The following CDK15 variants were observed in gnomAD, a reference collection of about 807,000 sequenced individuals.
CDK15 encodes the protein cyclin-dependent kinase 15.
Under a neutral mutation model 60.3 loss-of-function variants are expected in CDK15, and 62 were observed. That is an observed-to-expected ratio of 1.03 (90% CI 0.84 to 1.27). The LOEUF (loss-of-function observed/expected upper bound fraction) is 1.27. Ranked by LOEUF, CDK15 falls within the 50% of genes most tolerant of loss-of-function variation. The pLI is 0.00. For missense variants in CDK15, 541 were observed against 527.8 expected (o/e 1.03, Z -0.25); for synonymous variants, 194 against 195.7 (o/e 0.99, Z 0.07).
Position 201,833,921 on chromosome 2 carries a change from C to A in CDK15, c.680C>A (p.Pro227His). Residue 227 changes from proline (P) to histidine (H), a missense_variant, in exon 7 of 14, where the codon CCT (proline) becomes CAT (histidine). Coordinates refer to ENST00000652192, the MANE Select transcript of CDK15 (RefSeq NM_001366386.2). ...CACGTTCTTCACAGGGACCTGAAAC[C>A]TCAGAACTTACTCATCAGTCACCTG... ...HQHVLHRDLK[P>H]QNLLISHLGE... 1 of 1,614,034 alleles carries A rather than the reference C, an allele frequency of 6.2e-7. No homozygotes were observed. The highest frequency in any genetic ancestry group is 2.2e-5 in the East Asian group (1 of 44,878).
intron 10 of CDK15, among the ~76,000 whole-genome samples, chr2:201,864,493 T>G (rs1698530149): frequency 6.6e-6 from 1 of 152,194 alleles, no homozygotes; most frequent in Non-Finnish European, 1.5e-5. Flanking sequence ...AATTTTTGTA[T>G]TTTTAGTAGA....
chr2:201,850,014 G>A (rs1473871166), intron 9 of CDK15, among the ~76,000 whole-genome samples: 1 of 152,060 alleles, frequency 6.6e-6, no homozygotes, highest in East Asian at 1.9e-4. Context: ...TAGTAGAGAC[G>A]GGGTTTCACC....
rs141920338 is a variant in CDK15, at chr2:201,843,098, T to C, written c.852-4283T>C. Reference sequence around the variant, plus strand: ...AGTCTGTGGTGGGCAAAATAGATGATAGCCACATGACTTGTATTCCTAAGG... The same window carrying C: ...AGTCTGTGGTGGGCAAAATAGATGACAGCCACATGACTTGTATTCCTAAGG... On this transcript the variant is annotated intron_variant, in intron 8 of 13. Transcript: ENST00000652192. 2.5e-4 allele frequency among the ~76,000 whole-genome samples: 38 copies of C among 152,274 alleles called. No individual in the cohort carries two copies. In the East Asian group the frequency reaches 5.6e-3, roughly 22 times the overall value.
intron 12 of CDK15, among the ~76,000 whole-genome samples, chr2:201,884,290 A>C (rs1347099101): frequency 6.6e-6 from 1 of 152,122 alleles, no homozygotes; most frequent in East Asian, 1.9e-4. Context: ...TCTCCTTTAA[A>C]ACAGGTTTTA....
chr2:201,857,307 G>A (rs1431151645), intron 10 of CDK15, among the ~76,000 whole-genome samples: 1 of 148,770 alleles, frequency 6.7e-6, no homozygotes, highest in Non-Finnish European at 1.5e-5. Context: ...ATTTTCTGTT[G>A]TTTCAAAACA....
chr2:201,825,510 A>G (rs868809329), intron 6 of CDK15, among the ~76,000 whole-genome samples: 2 of 152,128 alleles, frequency 1.3e-5, no homozygotes, highest in African/African-American at 4.8e-5. Context: ...AGTGAAAAAA[A>G]AAAATTAAAA....
intron 4 of CDK15, among the ~76,000 whole-genome samples, chr2:201,819,693 A>G (rs1477976346): frequency 1.3e-5 from 2 of 152,206 alleles, no homozygotes; most frequent in Non-Finnish European, 2.9e-5. Flanking sequence ...GGTTCTGGAC[A>G]ATTTGGAAGG....
At chr2:201,822,602 CAAT>C (rs1389281631) in intron 4 of CDK15, among the ~76,000 whole-genome samples, 1 of 152,160 alleles carries the variant, frequency 6.6e-6, no homozygotes, top group African/African-American at 2.4e-5. Context: ...CCTGTAGAAA[CAAT>C]AAGTTGCAAT....
Position 201,807,923 on chromosome 2 carries a change from T to G in CDK15, c.339T>G (p.Ser113=). The G allele has an allele frequency of 1.9e-6, 3 of 1,614,148 alleles. No homozygotes were observed. Among genetic ancestry groups the G allele is most frequent in the Non-Finnish European group, 2.5e-6 (3 of 1,180,006 alleles). ...YLNLEKLGEG[S]YATVYKGISR... ...ACTTGGAGAAGCTGGGTGAAGGCTCTTATGCGACAGTTTACAAGGGGATTA... is the reference window on the plus strand; with the variant it reads ...ACTTGGAGAAGCTGGGTGAAGGCTCGTATGCGACAGTTTACAAGGGGATTA... The change falls in exon 3 of 14, where the codon TCT becomes TCG. Residue 113 remains serine, a synonymous_variant. Transcript: ENST00000652192.
intron 4 of CDK15, among the ~76,000 whole-genome samples, chr2:201,822,242 A>G (rs1311603478): frequency 1.3e-5 from 2 of 152,048 alleles, no homozygotes; most frequent in Non-Finnish European, 2.9e-5. Flanking sequence ...TCTCCTTTCC[A>G]CAGAGGTTTG....
At chr2:201,807,130 G>C (rs975860126) in intron 1 of CDK15, among the ~76,000 whole-genome samples, 1 of 151,744 alleles carries the variant, frequency 6.6e-6, no homozygotes, top group Non-Finnish European at 1.5e-5. Context: ...TGAAACTTTA[G>C]TAATTAGTTC....
At chr2:201,836,112 A>ATATATTTTATATATT (rs1697053371) in intron 8 of CDK15, among the ~76,000 whole-genome samples, 9 of 105,616 alleles carry the variant, frequency 8.5e-5, no homozygotes, top group African/African-American at 3.1e-4. Context: ...TTATATATTT[A>ATATATTTTATATATT]TATATATTAT....
At position 201,854,938 on chromosome 2, in the gene CDK15, G is replaced by A. The variant is rs754401995; in HGVS notation, c.1009+1G>A. On this transcript the variant is annotated splice_donor_variant, in intron 10 of 13. Coordinates refer to ENST00000652192, the MANE Select transcript of CDK15 (RefSeq NM_001366386.2). LOFTEE classifies it high-confidence loss of function. ...TCCAAGCTACCTAACTACAATCCAG[G>A]TAATATTGATCTGAGCTTCTGAATA... 8 of 1,613,770 alleles carry A rather than the reference G, an allele frequency of 5.0e-6. No individual in the cohort carries two copies. Among genetic ancestry groups the A allele is most frequent in the Non-Finnish European group, 5.9e-6 (7 of 1,179,688 alleles).
chr2:201,861,311 G>A (rs911013340), intron 10 of CDK15: 5 of 989,636 alleles, frequency 5.1e-6, no homozygotes, highest in South Asian at 4.6e-5. Flanking sequence ...GGAGTAGCCC[G>A]ATTCTACAGA....
intron 10 of CDK15, among the ~76,000 whole-genome samples, chr2:201,859,278 G>C (rs1698282613): frequency 6.6e-6 from 1 of 152,206 alleles, no homozygotes; most frequent in African/African-American, 2.4e-5. Flanking sequence ...AGAGCAAATT[G>C]AATGTTGGTC....
intron 12 of CDK15, among the ~76,000 whole-genome samples, chr2:201,883,156 G>T (rs1699341005): frequency 6.6e-6 from 1 of 152,146 alleles, no homozygotes; most frequent in South Asian, 2.1e-4. Flanking sequence ...TTATTTAGGG[G>T]CTTATATTTA....
At chr2:201,810,785 A>C (rs565095859) in intron 3 of CDK15, among the ~76,000 whole-genome samples, 1 of 151,818 alleles carries the variant, frequency 6.6e-6, no homozygotes, top group East Asian at 1.9e-4. Context: ...TATCTCAGAC[A>C]GGTGACTAAG....
At chr2:201,812,884 GAAAATATATAATCACACA>G (rs1695834327) in intron 4 of CDK15, among the ~76,000 whole-genome samples, 2 of 152,160 alleles carry the variant, frequency 1.3e-5, no homozygotes, top group African/African-American at 4.8e-5. Context: ...CTATAAAAGA[GAAAATATATAATCACACA>G]AATTCTTACT....
chr2:201,894,113 A>ACACACACACACACC lies in CDK15; in HGVS notation c.*847_*848insACACACACACACCC, dbSNP rs1491380631. The ACACACACACACACC allele has an allele frequency of 1.6e-5, 2 of 128,740 alleles. No individual in the cohort carries two copies. Among genetic ancestry groups the ACACACACACACACC allele is most frequent in the African/African-American group, 5.6e-5 (2 of 35,966 alleles). The allele number at this position is 128,740 out of a possible 1,614,324, so 8.0% of individuals were successfully genotyped here. A position where few individuals can be genotyped will look rare whatever the true frequency, so the allele number is the denominator to read the frequency against. The stretch of plus-strand genomic sequence containing the variant: ...CACACACACACACACACACACACAC[A>ACACACACACACACC]CCCCTCAAGTAAAATGAGAGATCTG... On this transcript the variant is annotated 3_prime_UTR_variant, in exon 14 of 14. Coordinates refer to ENST00000652192, the MANE Select transcript of CDK15 (RefSeq NM_001366386.2).
Sources: gnomAD v4.1 joint callset for allele counts (sites outside exome capture counted in the v4.1 genomes callset) on GRCh38, gnomAD v4.1.1 for gene constraint, MANE v1.5 for transcripts, NCBI Gene and HGNC (gene_info 2026-07-23, HGNC 2026-07-21) for gene names.